The following PPP1R14C variants were observed in gnomAD, a reference collection of about 807,000 sequenced individuals.
The protein encoded by PPP1R14C is protein phosphatase 1 regulatory inhibitor subunit 14C, also known as protein phosphatase 1 regulatory subunit 14C.
A neutral mutation model predicts 20.4 loss-of-function variants in PPP1R14C; 16 were observed. The observed-to-expected ratio is 0.78, with a 90% CI of 0.53 to 1.19. The LOEUF (loss-of-function observed/expected upper bound fraction) is 1.19, where lower values mean the gene tolerates loss of function less well. PPP1R14C is among the 50% of genes most tolerant of loss of function. The pLI, the probability that PPP1R14C is intolerant of heterozygous loss-of-function variation, is 0.00. For missense variants in PPP1R14C, 211 were observed against 220.1 expected, an observed-to-expected ratio of 0.96 and a Z score of 0.26; for synonymous variants, 91 against 91.0, an observed-to-expected ratio of 1.00 and a Z score of 0.00.
chr6:150,151,133 G>A (rs1050312193), intron 1 of PPP1R14C, among the ~76,000 whole-genome samples: 3 of 151,964 alleles, frequency 2.0e-5, no homozygotes, highest in South Asian at 2.1e-4. Flanking sequence ...TGCGGACAAC[G>A]TGTGACTCTG....
Position 150,181,809 on chromosome 6 carries a change from T to C in PPP1R14C, c.307-32935T>C, listed in dbSNP as rs528079044. 9.9e-4 allele frequency among the ~76,000 whole-genome samples: 151 copies of C among 152,384 alleles called. 1 individual carries two copies. The highest frequency in any genetic ancestry group is 3.7e-3 in the South Asian group (18 of 4,832). On this transcript the variant is annotated intron_variant, in intron 1 of 3. Coordinates refer to ENST00000361131, the MANE Select transcript of PPP1R14C (RefSeq NM_030949.3). Reference sequence around the variant, plus strand: ...GTGTATATGTGTTAAGATCTTTCATTAAATGTGACTTGATTTATTTATGAT... The same window carrying C: ...GTGTATATGTGTTAAGATCTTTCATCAAATGTGACTTGATTTATTTATGAT...
At chr6:150,157,137 AC>A (rs1353657876) in intron 1 of PPP1R14C, among the ~76,000 whole-genome samples, 2 of 152,264 alleles carry the variant, frequency 1.3e-5, no homozygotes, top group African/African-American at 4.8e-5. Context: ...TTAGTTAACT[AC>A]TGACACCTTA....
intron 3 of PPP1R14C, among the ~76,000 whole-genome samples, chr6:150,221,411 T>C (rs1020107358): frequency 1.9e-4 from 29 of 152,246 alleles, no homozygotes; most frequent in African/African-American, 6.5e-4. Context: ...TAGAACTTTA[T>C]AGGACTTTGC....
chr6:150,213,410 G>A (rs1202576289), intron 1 of PPP1R14C, among the ~76,000 whole-genome samples: 2 of 151,628 alleles, frequency 1.3e-5, no homozygotes, highest in Non-Finnish European at 2.9e-5. Flanking sequence ...CTGAATAAAT[G>A]CACTTTAGTA....
At chr6:150,156,979 T>C (rs919752778) in intron 1 of PPP1R14C, among the ~76,000 whole-genome samples, 3 of 152,226 alleles carry the variant, frequency 2.0e-5, no homozygotes, top group African/African-American at 7.2e-5. Flanking sequence ...CTGCCAGTCA[T>C]GCCTTAAACC....
At position 150,160,940 on chromosome 6, in the gene PPP1R14C, A is replaced by G. The variant is rs147839732; in HGVS notation, c.306+17442A>G. On this transcript the variant is annotated intron_variant, in intron 1 of 3. Coordinates refer to ENST00000361131, the MANE Select transcript of PPP1R14C (RefSeq NM_030949.3). ...TCCTGCCCCAGATTCAGAGTCAGCC[A>G]TTTCTCCAAGGAACGCTGATTCCTT... is the stretch of plus-strand genomic sequence containing the variant. Among the ~76,000 whole-genome samples the G allele has an allele frequency of 5.0e-3, 762 of 152,176 alleles. 5 individuals are homozygous for G. The highest frequency in any genetic ancestry group is 0.018 in the African/African-American group (728 of 41,514).
At chr6:150,235,982 G>A (rs1038410014) in intron 3 of PPP1R14C, among the ~76,000 whole-genome samples, 3 of 152,106 alleles carry the variant, frequency 2.0e-5, no homozygotes, top group Non-Finnish European at 2.9e-5. Context: ...TTTTAGTTTA[G>A]TTTGTAATTA....
intron 3 of PPP1R14C, among the ~76,000 whole-genome samples, chr6:150,222,854 C>T (rs966194532): frequency 2.1e-5 from 3 of 142,310 alleles, no homozygotes; most frequent in Non-Finnish European, 1.5e-5. Context: ...TCACTGCAAC[C>T]TCTGCCTTCC....
intron 1 of PPP1R14C, among the ~76,000 whole-genome samples, chr6:150,164,245 T>A (rs888913446): frequency 6.6e-6 from 1 of 152,240 alleles, no homozygotes; most frequent in Non-Finnish European, 1.5e-5. Flanking sequence ...GTTTGGGTTG[T>A]CTTTTATATA....
intron 3 of PPP1R14C, among the ~76,000 whole-genome samples, chr6:150,217,999 T>C (rs887990237): frequency 6.6e-6 from 1 of 152,174 alleles, no homozygotes; most frequent in African/African-American, 2.4e-5. Flanking sequence ...GCCACCAAAA[T>C]ATATACTTTT....
intron 1 of PPP1R14C, among the ~76,000 whole-genome samples, chr6:150,187,245 C>CTGTGTG (rs1196704443): frequency 1.3e-4 from 14 of 110,974 alleles, no homozygotes; most frequent in African/African-American, 2.6e-4. Flanking sequence ...CTTTCTCTTT[C>CTGTGTG]TCTGTGTGTG....
At position 150,185,818 on chromosome 6, in the gene PPP1R14C, A is replaced by C. The variant is rs917978570; in HGVS notation, c.307-28926A>C. ...TGGCTGATGTAGGGGTTCTACCCTC[A>C]CCATCACTCAGGGACCTAGGCTGCT... On this transcript the variant is annotated intron_variant, in intron 1 of 3. Transcript: ENST00000361131. This position sits in a 1 kb window ranked among gnomAD's most constrained non-coding sequence, Gnocchi z 4.1. Among the ~76,000 whole-genome samples, 6 of 152,136 alleles carry C rather than the reference A, an allele frequency of 3.9e-5. No homozygotes were observed. The highest frequency in any genetic ancestry group is 8.8e-5 in the Non-Finnish European group (6 of 68,014).
At chr6:150,182,805 T>A (rs990469576) in intron 1 of PPP1R14C, among the ~76,000 whole-genome samples, 4 of 152,202 alleles carry the variant, frequency 2.6e-5, no homozygotes, top group African/African-American at 7.2e-5. Flanking sequence ...GGTGACTTTG[T>A]TGATGTGTGA....
At chr6:150,215,562 A>G (rs192954392) in intron 2 of PPP1R14C, among the ~76,000 whole-genome samples, 28 of 152,340 alleles carry the variant, frequency 1.8e-4, no homozygotes, top group Admixed American at 4.6e-4. Context: ...GCACATTTGA[A>G]TGTATTAATG....
intron 1 of PPP1R14C, among the ~76,000 whole-genome samples, chr6:150,177,470 G>A (rs1009894090): frequency 6.6e-6 from 1 of 152,320 alleles, no homozygotes; most frequent in African/African-American, 2.4e-5. Flanking sequence ...GAAGGCAAGC[G>A]AAGGGTCATG....
Position 150,145,317 on chromosome 6 carries a change from G to A in PPP1R14C, c.306+1819G>A, listed in dbSNP as rs188105253. ...TTCTTGGGTTTTAAATCTTCAACCCGTAGCAAACAGCTAGACATTTGAAAG... is the reference window on the plus strand; with the variant it reads ...TTCTTGGGTTTTAAATCTTCAACCCATAGCAAACAGCTAGACATTTGAAAG... On this transcript the variant is annotated intron_variant, in intron 1 of 3. Coordinates refer to ENST00000361131, the MANE Select transcript of PPP1R14C (RefSeq NM_030949.3). 1.1e-4 allele frequency among the ~76,000 whole-genome samples: 17 copies of A among 152,244 alleles called. No homozygotes were observed. The East Asian group carries it at 1.5e-3, about 14-fold the overall frequency.
chr6:150,219,965 C>T (rs1323687431), intron 3 of PPP1R14C, among the ~76,000 whole-genome samples: 5 of 152,026 alleles, frequency 3.3e-5, no homozygotes, highest in East Asian at 1.9e-4. Flanking sequence ...AAGCGATGCT[C>T]GTGCCTCAGC....
intron 1 of PPP1R14C, among the ~76,000 whole-genome samples, chr6:150,163,120 G>A (rs777813891): frequency 6.6e-6 from 1 of 152,184 alleles, no homozygotes; most frequent in Non-Finnish European, 1.5e-5. Flanking sequence ...GGCCAGGCGC[G>A]GTGGCTCATA....
intron 1 of PPP1R14C, among the ~76,000 whole-genome samples, chr6:150,169,686 G>T (rs1293263431): frequency 1.3e-5 from 2 of 152,164 alleles, no homozygotes; most frequent in East Asian, 3.8e-4. Context: ...GGCCGAAGCG[G>T]GAAGAAGCTG....
Sources: gnomAD v4.1 joint callset for allele counts (sites outside exome capture counted in the v4.1 genomes callset) on GRCh38, gnomAD v4.1.1 for gene constraint, Gnocchi (gnomAD v3.1) non-coding constraint, MANE v1.5 for transcripts, NCBI Gene and HGNC (gene_info 2026-07-23, HGNC 2026-07-21) for gene names.